RAB3B: variants seen among roughly 807,000 people sequenced by gnomAD.
RAB3B encodes ras-related protein Rab-3B.
Under a neutral mutation model 20.5 loss-of-function variants are expected in RAB3B, and 11 were observed. The observed-to-expected ratio is 0.54, with a 90% confidence interval of 0.34 to 0.89. The LOEUF is 0.89. Among genes scored for constraint, RAB3B ranks in the 40% least tolerant of loss-of-function variants. The pLI is 0.02. For synonymous variants in RAB3B, 99 were observed against 106.3 expected, an observed-to-expected ratio of 0.93 and a Z score of 0.42; for missense variants, 225 against 280.9, an observed-to-expected ratio of 0.80 and a Z score of 1.42.
Position 51,910,826 on chromosome 1 carries a change from T to C in RAB3B, c.*9101A>G, listed in dbSNP as rs776521218. The C allele has an allele frequency of 1.9e-4, 29 of 152,270 alleles. No individual in the cohort carries two copies. Among genetic ancestry groups the C allele is most frequent in the Non-Finnish European group, 3.8e-4 (26 of 68,026 alleles). The allele number at this position is 152,270 out of a possible 1,614,324, so 9.4% of individuals were successfully genotyped here. ...CTGTTAACCCCAGAAACAGATGCATTTGAATCTGAAAGGAGACAGGAATCC... is the reference window on the plus strand; with the variant it reads ...CTGTTAACCCCAGAAACAGATGCATCTGAATCTGAAAGGAGACAGGAATCC... On this transcript the variant is annotated 3_prime_UTR_variant, in exon 5 of 5. Coordinates refer to ENST00000371655, the MANE Select transcript of RAB3B (RefSeq NM_002867.4).
intron 4 of RAB3B, among the ~76,000 whole-genome samples, chr1:51,928,373 C>T (rs1311102030): frequency 6.6e-6 from 1 of 152,220 alleles, no homozygotes; most frequent in Non-Finnish European, 1.5e-5. Context: ...TCCCAGAGTG[C>T]TGGGATTACA....
chr1:51,984,263 TAAAAAAAAAAAAAAAAAAAA>T (rs1166997647), intron 1 of RAB3B, among the ~76,000 whole-genome samples: 2 of 20,674 alleles, frequency 9.7e-5, no homozygotes, highest in Non-Finnish European at 1.6e-4. Flanking sequence ...ACTCTCTAAT[TAAAAAAAAAAAAAAAAAAAA>T]AAAAAAAAAA....
intron 1 of RAB3B, among the ~76,000 whole-genome samples, chr1:51,990,167 G>A (rs1049620284): frequency 1.2e-3 from 135 of 109,724 alleles, no homozygotes; most frequent in Non-Finnish European, 1.9e-3. Flanking sequence ...CTGCCCCTCG[G>A]CTGCCCGGTA....
At chr1:51,927,073 T>C (rs974470334) in intron 4 of RAB3B, among the ~76,000 whole-genome samples, 5 of 152,242 alleles carry the variant, frequency 3.3e-5, no homozygotes, top group Admixed American at 6.5e-5. Context: ...CACTGTTAGT[T>C]ATTATCAATG....
At chr1:51,967,510 C>CCTTTTTTTT (rs1684869196) in intron 2 of RAB3B, among the ~76,000 whole-genome samples, 1 of 28,156 alleles carries the variant, frequency 3.6e-5, no homozygotes, top group African/African-American at 6.9e-5. Flanking sequence ...TTTTTCTTTT[C>CCTTTTTTTT]TTTTCTTTTT....
chr1:51,959,425 C>T (rs778503264), intron 2 of RAB3B, among the ~76,000 whole-genome samples: 2 of 151,946 alleles, frequency 1.3e-5, no homozygotes, highest in African/African-American at 2.4e-5. Context: ...GGTGGGAGGA[C>T]GGCTTGAGCC....
chr1:51,981,872 T>A (rs1213280706), intron 1 of RAB3B, among the ~76,000 whole-genome samples: 1 of 152,212 alleles, frequency 6.6e-6, no homozygotes, highest in Admixed American at 6.5e-5. Context: ...GTATAGCACA[T>A]ATGATTATGT....
intron 2 of RAB3B, among the ~76,000 whole-genome samples, chr1:51,944,656 T>A (rs1383128431): frequency 6.6e-6 from 1 of 152,160 alleles, no homozygotes; most frequent in Non-Finnish European, 1.5e-5. Flanking sequence ...TCTAAGATCT[T>A]GTGGAAATAG....
At chr1:51,940,841 T>A (rs775750373) in intron 2 of RAB3B, among the ~76,000 whole-genome samples, 4 of 152,118 alleles carry the variant, frequency 2.6e-5, no homozygotes, top group Admixed American at 2.6e-4. Context: ...CTGCTTTTTG[T>A]CATCTTTATT....
intron 2 of RAB3B, among the ~76,000 whole-genome samples, chr1:51,941,959 G>C (rs552588207): frequency 6.6e-6 from 1 of 152,344 alleles, no homozygotes; most frequent in South Asian, 2.1e-4. Context: ...ACATTATTGA[G>C]AGAAATCTGC....
chr1:51,962,976 T>G (rs1482502487), intron 2 of RAB3B, among the ~76,000 whole-genome samples: 5 of 152,166 alleles, frequency 3.3e-5, no homozygotes, highest in Non-Finnish European at 7.3e-5. Context: ...ATCATGAGAT[T>G]ATACCACCCA....
In RAB3B at chr1:51,982,165, C is replaced by G. The variant is rs1685096581; in HGVS notation, c.1-5048G>C. Among the ~76,000 whole-genome samples the G allele has an allele frequency of 3.3e-5, 5 of 152,086 alleles. No individual in the cohort carries two copies. In the South Asian group the frequency reaches 1.0e-3, roughly 32 times the overall value. On this transcript the variant is annotated intron_variant, in intron 1 of 4. Transcript: ENST00000371655. Reference sequence around the variant, plus strand: ...AGGCAGTGATATTGATGCTCCTGGACCCTGTGTAGGCCTAAGCTCAGGTGT... The same window carrying G: ...AGGCAGTGATATTGATGCTCCTGGAGCCTGTGTAGGCCTAAGCTCAGGTGT...
At chr1:51,987,348 G>T (rs1015911903) in intron 1 of RAB3B, among the ~76,000 whole-genome samples, 3 of 152,196 alleles carry the variant, frequency 2.0e-5, no homozygotes, top group Non-Finnish European at 2.9e-5. Flanking sequence ...CAGTGATCCT[G>T]TAAACTTAGG....
chr1:51,920,668 G>C (rs1195569125), intron 4 of RAB3B, among the ~76,000 whole-genome samples: 1 of 152,104 alleles, frequency 6.6e-6, no homozygotes, highest in Non-Finnish European at 1.5e-5. Context: ...ACAGAAGTAA[G>C]CTAGCTTGCC....
intron 2 of RAB3B, 65 bp downstream of exon 2, chr1:51,976,824 TA>T: frequency 2.1e-6 from 3 of 1,444,120 alleles, no homozygotes; most frequent in Non-Finnish European, 2.9e-6. Context: ...GCCCCACCTC[TA>T]AGCCCTTGTA....
Position 51,953,342 on chromosome 1 carries a change from G to C in RAB3B, c.229-15930C>G, listed in dbSNP as rs377626213. On this transcript the variant is annotated intron_variant, in intron 2 of 4. Coordinates refer to ENST00000371655, the MANE Select transcript of RAB3B (RefSeq NM_002867.4). Reference sequence around the variant, plus strand: ...CCTTTGAGACAGGAAAATGTGGGGAGAGAAGTGAGGTGGAAGAGAGCCAGG... The same window carrying C: ...CCTTTGAGACAGGAAAATGTGGGGACAGAAGTGAGGTGGAAGAGAGCCAGG... Among the ~76,000 whole-genome samples, 17 of 152,270 alleles carry C rather than the reference G, an allele frequency of 1.1e-4. No homozygotes were observed. The East Asian group carries it at 2.9e-3, about 26-fold the overall frequency.
In RAB3B at chr1:51,971,152, C is replaced by T. The variant is rs569054048; in HGVS notation, c.228+5738G>A. Among the ~76,000 whole-genome samples the T allele has an allele frequency of 2.0e-5, 3 of 152,128 alleles. No homozygotes were observed. The South Asian group carries it at 6.2e-4, about 32-fold the overall frequency. Reference sequence around the variant, plus strand: ...ATGTTATCACATTTAGGCCCCCTCACCACCAGCAAACCTATGAGGCTTTAA... The same window carrying T: ...ATGTTATCACATTTAGGCCCCCTCATCACCAGCAAACCTATGAGGCTTTAA... On this transcript the variant is annotated intron_variant, in intron 2 of 4. Transcript: ENST00000371655.
chr1:51,975,213 C>T (rs761050669), intron 2 of RAB3B, among the ~76,000 whole-genome samples: 2 of 150,976 alleles, frequency 1.3e-5, no homozygotes, highest in African/African-American at 2.4e-5. Context: ...GACTCTGTCT[C>T]GAAAAAAATA....
intron 2 of RAB3B, among the ~76,000 whole-genome samples, chr1:51,954,949 G>A (rs1011738882): frequency 6.6e-6 from 1 of 152,190 alleles, no homozygotes; most frequent in Non-Finnish European, 1.5e-5. Context: ...CTTGGATGTC[G>A]TCCTGACGAG....
Sources: gnomAD v4.1 joint callset for allele counts (sites outside exome capture counted in the v4.1 genomes callset) on GRCh38, gnomAD v4.1.1 for gene constraint, MANE v1.5 for transcripts, NCBI Gene and HGNC (gene_info 2026-07-23, HGNC 2026-07-21) for gene names.